CYLD: variants seen among roughly 807,000 people sequenced by gnomAD.
CYLD encodes CYLD lysine 63 deubiquitinase.
A neutral mutation model predicts 104.5 loss-of-function variants in CYLD; 26 were observed. The ratio of observed to expected loss-of-function variants is 0.25; its 90% CI spans 0.18 to 0.35. The LOEUF (loss-of-function observed/expected upper bound fraction) is 0.35. Ranked by LOEUF, CYLD falls within the 10% of genes least tolerant of loss-of-function variation. CYLD has a pLI of 1.00. For synonymous variants in CYLD, 385 were observed against 399.9 expected (o/e 0.96, Z 0.45); for missense variants, 703 against 1,136.1 (o/e 0.62, Z 5.48).
chr16:50,794,561 CTT>C lies in CYLD; in HGVS notation c.2686+134_2686+135del, dbSNP rs1971791099. 1 of 866,602 alleles carries C rather than the reference CTT, an allele frequency of 1.2e-6. No homozygotes were observed. Among genetic ancestry groups the C allele is most frequent in the Admixed American group, 1.8e-5 (1 of 54,082 alleles). 53.7% of individuals were successfully genotyped at this position (866,602 alleles called of 1,614,324 possible). ...TCAGGATTATTCTGGTGACAACAGT[CTT>C]ATATCTTGGATTGCATTAACAACCT... is the stretch of plus-strand genomic sequence containing the variant. On this transcript the variant is annotated intron_variant, in intron 18 of 18. Coordinates refer to ENST00000427738, the MANE Select transcript of CYLD (RefSeq NM_001378743.1). The surrounding 1 kb of genome is among the most constrained non-coding windows in gnomAD (Gnocchi z 4.1).
chr16:50,787,873 G>C (rs1302319704), intron 14 of CYLD, 21 bp downstream of exon 14: 1 of 1,336,612 alleles, frequency 7.5e-7, no homozygotes, highest in Non-Finnish European at 1.1e-6. Context: ...AATTGTTCTA[G>C]AAGCATTGGA....
chr16:50,796,776 A>G lies in CYLD; in HGVS notation c.*268A>G. On this transcript the variant is annotated 3_prime_UTR_variant, in exon 19 of 19. Coordinates refer to ENST00000427738, the MANE Select transcript of CYLD (RefSeq NM_001378743.1). ...TATTAATACCTGAAGCTTTAAGTTAAGTGCATTGATCATATGATATTTTTG... is the reference window on the plus strand; with the variant it reads ...TATTAATACCTGAAGCTTTAAGTTAGGTGCATTGATCATATGATATTTTTG... 4.2e-6 allele frequency: 2 copies of G among 479,356 alleles called. No individual in the cohort carries two copies. Among genetic ancestry groups the G allele is most frequent in the South Asian group, 4.4e-5 (2 of 45,444 alleles). The allele number at this position is 479,356 out of a possible 1,614,324, so 29.7% of individuals were successfully genotyped here. A position where few individuals can be genotyped will look rare whatever the true frequency, so the allele number is the denominator to read the frequency against.
chr16:50,787,455 G>A (rs1970961925), intron 13 of CYLD: 1 of 304,360 alleles, frequency 3.3e-6, no homozygotes, highest in Admixed American at 4.9e-5. Context: ...TCAGAGGCTT[G>A]CAGGAAAAAA....
At chr16:50,742,174 G>T (rs961381040) in intron 1 of CYLD, 50 bp downstream of exon 1, 1 of 151,908 alleles carries the variant, frequency 6.6e-6, no homozygotes, top group Non-Finnish European at 1.5e-5. Flanking sequence ...CCCGGGACGC[G>T]GGCTGGGGAG....
chr16:50,747,437 C>G (rs147925755), intron 2 of CYLD, among the ~76,000 whole-genome samples: 107 of 152,222 alleles, frequency 7.0e-4, no homozygotes, highest in African/African-American at 2.3e-3. Context: ...TAAGATACAG[C>G]CTTTTAACAA....
At chr16:50,776,547 A>G (rs973598063) in intron 7 of CYLD, among the ~76,000 whole-genome samples, 14 of 152,310 alleles carry the variant, frequency 9.2e-5, no homozygotes, top group Admixed American at 3.3e-4. Context: ...CTTACTTGGA[A>G]TATTTGTATG....
At chr16:50,744,149 C>A (rs1596946329) in intron 2 of CYLD, among the ~76,000 whole-genome samples, 1 of 151,574 alleles carries the variant, frequency 6.6e-6, no homozygotes, top group African/African-American at 2.4e-5. Context: ...CAGCAGTATT[C>A]CTTGTTCCAG....
rs1402092710 is a variant in CYLD at position 50,780,194 on chromosome 16, C to T, written c.1518+150C>T. 3 of 949,774 alleles carry T rather than the reference C, an allele frequency of 3.2e-6. No homozygotes were observed. The African/African-American group carries it at 4.9e-5, about 15-fold the overall frequency. The allele number at this position is 949,774 out of a possible 1,614,324, so 58.8% of individuals were successfully genotyped here. ...TTTCTCACCATGTTTTCTGACTTCC[C>T]TTTGCCGCCCCTGAAGCTTGCGACC... On this transcript the variant is annotated intron_variant, in intron 9 of 18. Coordinates refer to ENST00000427738, the MANE Select transcript of CYLD (RefSeq NM_001378743.1).
intron 4 of CYLD, 111 bp downstream of exon 4, chr16:50,752,017 TGTATA>T: frequency 3.7e-6 from 1 of 271,066 alleles, no homozygotes; most frequent in Non-Finnish European, 6.0e-6. Context: ...CACATATATA[TGTATA>T]GTTTATATAT....
chr16:50,796,923 G>A lies in CYLD; in HGVS notation c.*415G>A. On this transcript the variant is annotated 3_prime_UTR_variant, in exon 19 of 19. Transcript: ENST00000427738. The stretch of plus-strand genomic sequence containing the variant: ...CATTTTTCTTTTGTAGCTAACGGTT[G>A]CCTTGAGGAAGAAATAATTTGGTTT... The A allele has an allele frequency of 3.2e-6, 1 of 310,260 alleles. No individual in the cohort carries two copies. The allele number at this position is 310,260 out of a possible 1,614,324, so 19.2% of individuals were successfully genotyped here.
At chr16:50,756,988 C>T (rs1967319315) in intron 5 of CYLD, among the ~76,000 whole-genome samples, 1 of 152,162 alleles carries the variant, frequency 6.6e-6, no homozygotes, top group South Asian at 2.1e-4. Context: ...CCATACTTCT[C>T]AGTCTCACAT....
intron 2 of CYLD, among the ~76,000 whole-genome samples, chr16:50,748,515 C>G (rs1966381273): frequency 6.6e-6 from 1 of 150,744 alleles, no homozygotes; most frequent in South Asian, 2.1e-4. Context: ...ACCAATGTAC[C>G]CAAGCCTGGG....
At chr16:50,788,325 T>C (rs1440251308) in intron 14 of CYLD, among the ~76,000 whole-genome samples, 1 of 152,218 alleles carries the variant, frequency 6.6e-6, no homozygotes, top group African/African-American at 2.4e-5. Context: ...CCTTGTTTAA[T>C]GTAGTAAAGT....
Position 50,801,905 on chromosome 16 carries a change from C to T in CYLD, c.*5397C>T. 1 of 229,956 alleles carries T rather than the reference C, an allele frequency of 4.3e-6. No homozygotes were observed. Among genetic ancestry groups the T allele is most frequent in the East Asian group, 6.2e-5 (1 of 16,154 alleles). The allele number at this position is 229,956 out of a possible 1,614,324, so 14.2% of individuals were successfully genotyped here. A position where few individuals can be genotyped will look rare whatever the true frequency, so the allele number is the denominator to read the frequency against. On this transcript the variant is annotated 3_prime_UTR_variant, in exon 19 of 19. Coordinates refer to ENST00000427738, the MANE Select transcript of CYLD (RefSeq NM_001378743.1). ...GGAAAGAAATGTACATATACTATTT[C>T]TGTATCATTAAAATTACATTTTTAT...
At chr16:50,790,192 A>G (rs1465461460) in intron 14 of CYLD, among the ~76,000 whole-genome samples, 2 of 152,254 alleles carry the variant, frequency 1.3e-5, no homozygotes, top group African/African-American at 2.4e-5. Flanking sequence ...AACCAGGACT[A>G]AATTACCATT....
chr16:50,752,025 TTATATA>T (rs1311906792), intron 4 of CYLD, 119 bp downstream of exon 4: 6 of 287,334 alleles, frequency 2.1e-5, no homozygotes, highest in Non-Finnish European at 2.8e-5. Flanking sequence ...TATGTATAGT[TTATATA>T]TATATGTATT....
At chr16:50,767,520 A>T (rs929588072) in intron 5 of CYLD, among the ~76,000 whole-genome samples, 18 of 144,148 alleles carry the variant, frequency 1.2e-4, no homozygotes, top group East Asian at 3.9e-4. Context: ...AAAAATAATT[A>T]AAAAAAAAAG....
intron 8 of CYLD, among the ~76,000 whole-genome samples, chr16:50,779,345 A>G (rs1357943217): frequency 6.6e-6 from 1 of 152,052 alleles, no homozygotes; most frequent in African/African-American, 2.4e-5. Flanking sequence ...AGCGTTTCTT[A>G]AGGTTTTCGG....
chr16:50,795,664 C>T, intron 18 of CYLD: 1 of 701,154 alleles, frequency 1.4e-6, no homozygotes, highest in East Asian at 2.7e-5. Context: ...AGTTCTCCAC[C>T]TTTTCTCAGT....
Sources: gnomAD v4.1 joint callset for allele counts (sites outside exome capture counted in the v4.1 genomes callset) on GRCh38, gnomAD v4.1.1 for gene constraint, Gnocchi (gnomAD v3.1) non-coding constraint, MANE v1.5 for transcripts, NCBI Gene and HGNC (gene_info 2026-07-23, HGNC 2026-07-21) for gene names.